Variants in UNC5A observed in about 807,000 individuals in gnomAD.
UNC5A encodes the protein netrin receptor UNC5A.
In UNC5A, 20 loss-of-function variants were observed where a neutral mutation model predicts 87.4. That is an observed-to-expected ratio of 0.23 (90% CI 0.16 to 0.33). The LOEUF (loss-of-function observed/expected upper bound fraction) is 0.33, where lower values mean the gene tolerates loss of function less well. Among genes scored for constraint, UNC5A ranks in the 10% least tolerant of loss-of-function variants. The pLI, the probability that UNC5A is intolerant of heterozygous loss-of-function variation, is 1.00. For synonymous variants in UNC5A, 438 were observed against 482.3 expected (o/e 0.91, Z 1.20); for missense variants, 844 against 1,133.4 (o/e 0.74, Z 3.67).
chr5:176,825,761 C>T (rs533742897), intron 1 of UNC5A, among the ~76,000 whole-genome samples: 7 of 152,156 alleles, frequency 4.6e-5, no homozygotes, highest in Admixed American at 3.9e-4. Flanking sequence ...GGCAGAAGGT[C>T]CAGAGCCTCA....
chr5:176,817,116 G>T (rs1756607210), intron 1 of UNC5A, among the ~76,000 whole-genome samples: 1 of 152,196 alleles, frequency 6.6e-6, no homozygotes, highest in Non-Finnish European at 1.5e-5. Flanking sequence ...GGGCCATGAG[G>T]CCCCTGCTTC....
chr5:176,842,492 G>GATATATATATATATATATATATATATAT lies in UNC5A; in HGVS notation c.71-20114_71-20113insATATATATATATATATATATATATATAT, dbSNP rs35268512. Reference sequence around the variant, plus strand: ...GTCAATCAACAAATGGAGAAACTGTGATATATATATATATATATGATGGAA... The same window carrying GATATATATATATATATATATATATATAT: ...GTCAATCAACAAATGGAGAAACTGTGATATATATATATATATATATATATATATATATATATATATATATATGATGGAA... On this transcript the variant is annotated intron_variant, in intron 1 of 14. Coordinates refer to ENST00000329542, the MANE Select transcript of UNC5A (RefSeq NM_133369.3). Among the ~76,000 whole-genome samples the GATATATATATATATATATATATATATAT allele has an allele frequency of 1.8e-3, 267 of 145,486 alleles. 6 individuals carry two copies. The highest frequency in any genetic ancestry group is 6.1e-3 in the African/African-American group (229 of 37,612).
Position 176,862,624 on chromosome 5 carries a change from G to A in UNC5A, c.71G>A (p.Gly24Asp). 4 of 1,613,168 alleles carry A rather than the reference G, an allele frequency of 2.5e-6. No homozygotes were observed. The highest frequency in any genetic ancestry group is 3.4e-6 in the Non-Finnish European group (4 of 1,179,818). ...ACCTTCCCCCTCTGCCCTGCCGCAG[G>A]TGCCCAGCAGAGTGCCACCGTGGCC... ...IVLAAWLRGS[G>D]AQQSATVANP... is the part of the protein sequence containing the mutation. Residue 24 changes from glycine to aspartate, a missense_variant and splice_region_variant, in exon 2 of 15, where the codon GGT becomes GAT. Coordinates refer to ENST00000329542, the MANE Select transcript of UNC5A (RefSeq NM_133369.3).
chr5:176,815,563 G>T (rs1172813033), intron 1 of UNC5A, among the ~76,000 whole-genome samples: 1 of 152,234 alleles, frequency 6.6e-6, no homozygotes, highest in African/African-American at 2.4e-5. Context: ...AGATTGATGG[G>T]CAATGTGGAG....
chr5:176,876,892 T>G (rs907646658), intron 8 of UNC5A, among the ~76,000 whole-genome samples: 1 of 152,288 alleles, frequency 6.6e-6, no homozygotes, highest in South Asian at 2.1e-4. Flanking sequence ...TCCCCTCCAG[T>G]GCCTTTCAGG....
At chr5:176,823,301 C>T (rs959422178) in intron 1 of UNC5A, among the ~76,000 whole-genome samples, 9 of 152,006 alleles carry the variant, frequency 5.9e-5, no homozygotes, top group Admixed American at 2.6e-4. Flanking sequence ...CAAGAGGCTC[C>T]GCCCAGGGAG....
chr5:176,874,617 G>A lies in UNC5A; in HGVS notation c.1378+51G>A, dbSNP rs1208564837. The A allele has an allele frequency of 1.3e-6, 2 of 1,486,138 alleles. No homozygotes were observed. The highest frequency in any genetic ancestry group is 1.8e-6 in the Non-Finnish European group (2 of 1,115,428). 92.1% of individuals were successfully genotyped at this position (1,486,138 alleles called of 1,614,324 possible). On this transcript the variant is annotated intron_variant, in intron 8 of 14. Transcript: ENST00000329542. The surrounding 1 kb of genome is among the most constrained non-coding windows in gnomAD (Gnocchi z 7.6). Reference sequence around the variant, plus strand: ...AGAGCTCCACTTCCCTCCTGGAGGAGGACGGGACAGCCGGACGTTCCTCTC... The same window carrying A: ...AGAGCTCCACTTCCCTCCTGGAGGAAGACGGGACAGCCGGACGTTCCTCTC...
At chr5:176,863,805 T>TC (rs1757904586) in intron 2 of UNC5A, among the ~76,000 whole-genome samples, 1 of 14,634 alleles carries the variant, frequency 6.8e-5, no homozygotes, top group Non-Finnish European at 1.4e-4. Flanking sequence ...CTTCCCTCCT[T>TC]CCCCTCCTCC....
intron 1 of UNC5A, among the ~76,000 whole-genome samples, chr5:176,815,005 G>A (rs1259064315): frequency 6.6e-6 from 1 of 152,184 alleles, no homozygotes; most frequent in Non-Finnish European, 1.5e-5. Context: ...CCATCCTGGG[G>A]TGGAGGATGC....
At chr5:176,817,765 G>A (rs1581241253) in intron 1 of UNC5A, among the ~76,000 whole-genome samples, 1 of 152,120 alleles carries the variant, frequency 6.6e-6, no homozygotes, top group Admixed American at 6.5e-5. Flanking sequence ...CACGGCAGCC[G>A]GGGCAGAGGG....
chr5:176,862,962 A>T, intron 2 of UNC5A, 117 bp downstream of exon 2: 1 of 1,190,970 alleles, frequency 8.4e-7, no homozygotes. Flanking sequence ...GGCCTTCCCC[A>T]GAGGCCACAA....
chr5:176,831,644 G>A (rs901913761), intron 1 of UNC5A, among the ~76,000 whole-genome samples: 3 of 152,090 alleles, frequency 2.0e-5, no homozygotes, highest in Admixed American at 6.5e-5. Context: ...TGCCCAGAGC[G>A]GGGCTTCCCC....
chr5:176,873,511 G>A (rs2149368942), intron 6 of UNC5A, among the ~76,000 whole-genome samples: 1 of 152,284 alleles, frequency 6.6e-6, no homozygotes, highest in Middle Eastern at 3.4e-3. Flanking sequence ...CAGACAGAGA[G>A]AAGGGCCCCC....
At chr5:176,849,142 C>T (rs1256458443) in intron 1 of UNC5A, among the ~76,000 whole-genome samples, 2 of 152,202 alleles carry the variant, frequency 1.3e-5, no homozygotes, top group Non-Finnish European at 2.9e-5. Flanking sequence ...CTGGTAAAGT[C>T]GGAAGAGGCC....
Position 176,829,032 on chromosome 5 carries a change from C to T in UNC5A, c.70+18212C>T, listed in dbSNP as rs910039216. ...ATTCCAGCCACTCAGGAGGCTGAGGCAGGAGAATCAATTGAACTGAACCTG... is the reference window on the plus strand; with the variant it reads ...ATTCCAGCCACTCAGGAGGCTGAGGTAGGAGAATCAATTGAACTGAACCTG... On this transcript the variant is annotated intron_variant, in intron 1 of 14. Coordinates refer to ENST00000329542, the MANE Select transcript of UNC5A (RefSeq NM_133369.3). Among the ~76,000 whole-genome samples, 3 of 150,998 alleles carry T rather than the reference C, an allele frequency of 2.0e-5. No individual in the cohort carries two copies. The Admixed American group carries it at 2.0e-4, about 10-fold the overall frequency.
intron 1 of UNC5A, among the ~76,000 whole-genome samples, chr5:176,845,730 A>C (rs1757387925): frequency 6.6e-6 from 1 of 152,190 alleles, no homozygotes; most frequent in Non-Finnish European, 1.5e-5. Context: ...CCAGAAGGGC[A>C]CCCACCAGGG....
rs1463529262 is a variant in UNC5A, at chr5:176,866,760, C to T, written c.293-1370C>T. Among the ~76,000 whole-genome samples the T allele has an allele frequency of 6.6e-6, 1 of 152,144 alleles. No individual in the cohort carries two copies. The highest frequency in any genetic ancestry group is 1.5e-5 in the Non-Finnish European group (1 of 68,022). ...CCTATACAAGGACCCTGTGAGCCAC[C>T]CCCTCGTTCTCAGCCTGCCCACCCC... is the stretch of plus-strand genomic sequence containing the variant. On this transcript the variant is annotated intron_variant, in intron 2 of 14. Coordinates refer to ENST00000329542, the MANE Select transcript of UNC5A (RefSeq NM_133369.3). This position sits in a 1 kb window ranked among gnomAD's most constrained non-coding sequence, Gnocchi z 5.0.
At chr5:176,816,162 C>T (rs916888856) in intron 1 of UNC5A, among the ~76,000 whole-genome samples, 1 of 152,238 alleles carries the variant, frequency 6.6e-6, no homozygotes, top group African/African-American at 2.4e-5. Context: ...ACTCTGCACT[C>T]AGCAGCAGGC....
chr5:176,875,846 A>T lies in UNC5A; in HGVS notation c.1378+1280A>T, dbSNP rs961793011. ...TGCCCCTCCCACCAGCTCAGCTGGG[A>T]CTTCTCTTTTGGGTCCCCGCCTGAC... On this transcript the variant is annotated intron_variant, in intron 8 of 14. Coordinates refer to ENST00000329542, the MANE Select transcript of UNC5A (RefSeq NM_133369.3). This position sits in a 1 kb window ranked among gnomAD's most constrained non-coding sequence, Gnocchi z 5.2. Among the ~76,000 whole-genome samples, 1 of 152,110 alleles carries T rather than the reference A, an allele frequency of 6.6e-6. No homozygotes were observed. Among genetic ancestry groups the T allele is most frequent in the Non-Finnish European group, 1.5e-5 (1 of 68,012 alleles).
Sources: allele counts gnomAD v4.1 joint callset (sites outside exome capture counted in the v4.1 genomes callset), GRCh38; gene constraint gnomAD v4.1.1; non-coding constraint Gnocchi (gnomAD v3.1); transcripts MANE v1.5; gene names NCBI Gene and HGNC (gene_info 2026-07-23, HGNC 2026-07-21).